Variants in ATP7A observed in about 807,000 individuals in gnomAD.
ATP7A encodes the protein copper-transporting ATPase 1.
ATP7A carries 7 observed loss-of-function variants against 83.5 expected under a neutral mutation model. The ratio of observed to expected loss-of-function variants is 0.08; its 90% CI spans 0.05 to 0.16. The LOEUF is 0.16. ATP7A is among the 10% of genes least tolerant of loss of function. The pLI, the probability that ATP7A is intolerant of heterozygous loss-of-function variation, is 1.00. For synonymous variants in ATP7A, 354 were observed against 395.2 expected (o/e 0.90, Z 1.24); for missense variants, 940 against 1,120.8 (o/e 0.84, Z 2.30).
At chrX:77,995,549 A>C (rs1169980227) in intron 4 of ATP7A, among the ~76,000 whole-genome samples, 31 of 89,529 alleles carry the variant, frequency 3.5e-4, no homozygotes, top group African/African-American at 1.4e-3. Context: ...GCTGGGTGAC[A>C]AGAGCGAGAC....
intron 14 of ATP7A, among the ~76,000 whole-genome samples, chrX:78,028,991 T>C (rs1252473250): frequency 8.9e-6 from 1 of 112,247 alleles, no homozygotes; most frequent in Non-Finnish European, 1.9e-5. Flanking sequence ...AAATTTCTAA[T>C]AAAAACATTC....
chrX:78,017,845 C>T (rs372869922), intron 12 of ATP7A, among the ~76,000 whole-genome samples: 5 of 93,896 alleles, frequency 5.3e-5, no homozygotes, highest in Admixed American at 1.3e-4. Context: ...GGCACAATCT[C>T]GGCTCACTGC....
chrX:77,953,557 C>A (rs782142385), intron 1 of ATP7A, among the ~76,000 whole-genome samples: 8 of 112,296 alleles, frequency 7.1e-5, no homozygotes, highest in Non-Finnish European at 1.1e-4. Flanking sequence ...AGAAAAGTTC[C>A]ACACACACTA....
intron 1 of ATP7A, among the ~76,000 whole-genome samples, chrX:77,948,125 GTTCA>G (rs1173107342): frequency 2.1e-5 from 2 of 94,044 alleles, no homozygotes; most frequent in Non-Finnish European, 2.1e-5. Context: ...TCATTCATTC[GTTCA>G]TTCATTCATT....
intron 20 of ATP7A, 113 bp downstream of exon 20, chrX:78,042,901 C>T: frequency 1.1e-6 from 1 of 896,708 alleles, no homozygotes. Flanking sequence ...ATGCTATCAG[C>T]CATTAAGAGT....
chrX:78,015,509 T>G (rs1557235032), intron 11 of ATP7A, among the ~76,000 whole-genome samples: 1 of 112,408 alleles, frequency 8.9e-6, no homozygotes, highest in Non-Finnish European at 1.9e-5. Flanking sequence ...CATTATTTTT[T>G]AAAACTTTCA....
rs1367922257 is a variant in ATP7A at position 78,050,090 on chromosome X, C to T, written c.*3520C>T. ...CAGTCCCTCCATCTGGTATGAGTAA[C>T]CAGATAGAGCACAAAGCATGAGTTC... On this transcript the variant is annotated 3_prime_UTR_variant, in exon 23 of 23. Transcript: ENST00000341514. The T allele has an allele frequency of 8.9e-6, 1 of 112,128 alleles. No homozygotes were observed. The highest frequency in any genetic ancestry group is 1.9e-5 in the Non-Finnish European group (1 of 53,120). 9.2% of individuals were successfully genotyped at this position (112,128 alleles called of 1,213,427 possible).
chrX:77,982,873 A>G (rs781802922), intron 2 of ATP7A, among the ~76,000 whole-genome samples: 13 of 112,005 alleles, frequency 1.2e-4, no homozygotes, highest in Non-Finnish European at 2.1e-4. Context: ...AGAAAATACC[A>G]TAAAGTGGGT....
At chrX:77,927,375 T>C (rs1310795992) in intron 1 of ATP7A, among the ~76,000 whole-genome samples, 1 of 112,134 alleles carries the variant, frequency 8.9e-6, no homozygotes, top group Non-Finnish European at 1.9e-5. Context: ...GAAATAGGAC[T>C]ATCGTCAATT....
intron 1 of ATP7A, among the ~76,000 whole-genome samples, chrX:77,946,612 G>A (rs1445870121): frequency 9.2e-6 from 1 of 109,115 alleles, no homozygotes; most frequent in East Asian, 2.9e-4. Context: ...GACTGACAAT[G>A]AAATGTATCT....
chrX:77,952,554 C>T (rs956312861), intron 1 of ATP7A, among the ~76,000 whole-genome samples: 11 of 111,523 alleles, frequency 9.9e-5, no homozygotes, highest in Non-Finnish European at 3.8e-5. Flanking sequence ...AGGTTGTTTT[C>T]TTAGCACAAG....
chrX:77,942,390 C>G (rs1557225742), intron 1 of ATP7A, among the ~76,000 whole-genome samples: 2 of 110,574 alleles, frequency 1.8e-5, no homozygotes, highest in Non-Finnish European at 3.8e-5. Context: ...AATCTATCCC[C>G]AAAGTCAGAA....
chrX:77,911,257 T>G (rs1557221878), intron 1 of ATP7A, among the ~76,000 whole-genome samples: 1 of 112,562 alleles, frequency 8.9e-6, no homozygotes, highest in Non-Finnish European at 1.9e-5. Flanking sequence ...TTTGGCTTCT[T>G]GTCTTGCTCT....
At chrX:77,925,225 C>CT (rs1316602785) in intron 1 of ATP7A, among the ~76,000 whole-genome samples, 9 of 111,426 alleles carry the variant, frequency 8.1e-5, no homozygotes, top group African/African-American at 2.6e-4. Context: ...AATATTTCAG[C>CT]TATAAAAATT....
chrX:78,032,385 T>C (rs1239136951), intron 16 of ATP7A, among the ~76,000 whole-genome samples: 1 of 111,989 alleles, frequency 8.9e-6, no homozygotes, highest in African/African-American at 3.2e-5. Flanking sequence ...TGATGAATGC[T>C]ACCAATACCC....
chrX:78,044,282 C>A (rs1395843742), intron 21 of ATP7A, among the ~76,000 whole-genome samples: 2 of 102,537 alleles, frequency 2.0e-5, no homozygotes, highest in Admixed American at 1.1e-4. Flanking sequence ...AAAATTCATA[C>A]CTCCAAAAAC....
At chrX:77,955,596 CAG>C (rs1269679124) in intron 1 of ATP7A, among the ~76,000 whole-genome samples, 1 of 111,524 alleles carries the variant, frequency 9.0e-6, no homozygotes, top group Non-Finnish European at 1.9e-5. Context: ...ATGATCAAAT[CAG>C]GGTATTTAGC....
rs929489306 is a variant in ATP7A, at chrX:78,049,792, C to A, written c.*3222C>A. ...ATCTTTTCTGTATACAGCTTAAAATCAAAAATGTATGTTAAGAGAATTTTT... is the reference window on the plus strand; with the variant it reads ...ATCTTTTCTGTATACAGCTTAAAATAAAAAATGTATGTTAAGAGAATTTTT... On this transcript the variant is annotated 3_prime_UTR_variant, in exon 23 of 23. Coordinates refer to ENST00000341514, the MANE Select transcript of ATP7A (RefSeq NM_000052.7). The A allele has an allele frequency of 6.3e-5, 7 of 111,958 alleles. No homozygotes were observed. Among genetic ancestry groups the A allele is most frequent in the African/African-American group, 9.7e-5 (3 of 30,787 alleles). The allele number at this position is 111,958 out of a possible 1,213,427, so 9.2% of individuals were successfully genotyped here.
At chrX:77,995,251 G>A (rs1352004164) in intron 4 of ATP7A, among the ~76,000 whole-genome samples, 2 of 111,464 alleles carry the variant, frequency 1.8e-5, no homozygotes, top group East Asian at 5.6e-4. Flanking sequence ...CTAGTCCTAG[G>A]TGAGCTATAA....
Sources: allele counts gnomAD v4.1 joint callset (sites outside exome capture counted in the v4.1 genomes callset), GRCh38; gene constraint gnomAD v4.1.1; transcripts MANE v1.5; gene names NCBI Gene and HGNC (gene_info 2026-07-23, HGNC 2026-07-21).